The following MEGF11 variants were observed in gnomAD, a reference collection of about 807,000 sequenced individuals.
The protein encoded by MEGF11 is multiple epidermal growth factor-like domains protein 11.
MEGF11 carries 126 observed loss-of-function variants against 146.6 expected under a neutral mutation model. The ratio of observed to expected loss-of-function variants is 0.86; its 90% CI spans 0.74 to 1.00. MEGF11 has a LOEUF of 1.00. MEGF11 is among the 50% of genes least tolerant of loss of function. MEGF11 has a pLI of 0.00. For synonymous variants in MEGF11, 532 were observed against 583.4 expected (o/e 0.91, Z 1.27); for missense variants, 1,509 against 1,521.2 (o/e 0.99, Z 0.13).
At chr15:65,935,492 C>T (rs2079749361) in intron 10 of MEGF11, among the ~76,000 whole-genome samples, 1 of 152,152 alleles carries the variant, frequency 6.6e-6, no homozygotes, top group Non-Finnish European at 1.5e-5. Flanking sequence ...AATTGGAGGG[C>T]ACCCAGCTGA....
intron 5 of MEGF11, among the ~76,000 whole-genome samples, chr15:66,037,808 C>A (rs1404216028): frequency 6.6e-6 from 1 of 152,222 alleles, no homozygotes; most frequent in Non-Finnish European, 1.5e-5. Flanking sequence ...AATGTCCTCG[C>A]CAGTCTGGCT....
intron 4 of MEGF11, among the ~76,000 whole-genome samples, chr15:66,118,179 G>A (rs956840675): frequency 6.6e-5 from 10 of 151,970 alleles, no homozygotes; most frequent in Non-Finnish European, 1.3e-4. Context: ...TCCTACAGTA[G>A]AGGGAACCTT....
At chr15:66,229,070 T>C (rs531924907) in intron 1 of MEGF11, among the ~76,000 whole-genome samples, 16 of 152,244 alleles carry the variant, frequency 1.1e-4, no homozygotes, top group African/African-American at 3.9e-4. Context: ...ACAGTCCCTT[T>C]ATTAAGCACT....
chr15:66,119,862 C>T (rs571184873), intron 3 of MEGF11, among the ~76,000 whole-genome samples: 14 of 152,268 alleles, frequency 9.2e-5, no homozygotes, highest in African/African-American at 2.4e-4. Flanking sequence ...CCAGACCTTA[C>T]GCTGACACAA....
At chr15:66,137,802 C>G (rs1308188295) in intron 1 of MEGF11, among the ~76,000 whole-genome samples, 1 of 152,076 alleles carries the variant, frequency 6.6e-6, no homozygotes, top group African/African-American at 2.4e-5. Flanking sequence ...CCAGCCTCAG[C>G]CTCCCAAAGT....
At position 65,909,738 on chromosome 15, in the gene MEGF11, A is replaced by G. The variant is rs773827292; in HGVS notation, c.2896+2T>C. On this transcript the variant is annotated splice_donor_variant, in intron 22 of 25. Transcript: ENST00000395614. LOFTEE classifies it high-confidence loss of function. ...GGGGACCAGACTCACACCACTACTG[A>G]CCTAACACGTTCACATAGCTGTAGG... The G allele has an allele frequency of 6.4e-5, 100 of 1,573,912 alleles. No homozygotes were observed. Among genetic ancestry groups the G allele is most frequent in the Non-Finnish European group, 7.7e-5 (90 of 1,167,760 alleles).
chr15:66,209,734 T>C (rs1411570826), intron 1 of MEGF11, among the ~76,000 whole-genome samples: 1 of 152,070 alleles, frequency 6.6e-6, no homozygotes, highest in Non-Finnish European at 1.5e-5. Flanking sequence ...GAAATAAGAT[T>C]AGTGGTTGCC....
intron 5 of MEGF11, among the ~76,000 whole-genome samples, chr15:66,053,094 G>A (rs1353250560): frequency 4.6e-5 from 7 of 152,186 alleles, no homozygotes; most frequent in Non-Finnish European, 8.8e-5. Flanking sequence ...CAGGGTGGAT[G>A]GGTAGGTTGG....
At chr15:66,205,312 C>T (rs988652072) in intron 1 of MEGF11, among the ~76,000 whole-genome samples, 3 of 152,092 alleles carry the variant, frequency 2.0e-5, no homozygotes, top group Non-Finnish European at 4.4e-5. Context: ...CATGGTAGCA[C>T]GTACCTGGAT....
At chr15:66,102,866 G>A (rs781720155) in intron 4 of MEGF11, among the ~76,000 whole-genome samples, 8 of 152,202 alleles carry the variant, frequency 5.3e-5, no homozygotes, top group Non-Finnish European at 8.8e-5. Flanking sequence ...TAGCGGTACA[G>A]CTTTCTCTGC....
rs568727793 is a variant in MEGF11 at position 65,940,786 on chromosome 15, G to T, written c.1288-9843C>A. On this transcript the variant is annotated intron_variant, in intron 10 of 25. Transcript: ENST00000395614. ...CATTCTGTCTGGCTCCCATGCAGGT[G>T]GGAGGAGGAGAAAGGTTAGGACTGG... 1.2e-4 allele frequency among the ~76,000 whole-genome samples: 19 copies of T among 152,290 alleles called. 1 individual carries two copies. In the South Asian group the frequency reaches 3.7e-3, roughly 30 times the overall value.
intron 5 of MEGF11, among the ~76,000 whole-genome samples, chr15:66,030,807 G>A (rs775774946): frequency 6.6e-5 from 10 of 152,148 alleles, no homozygotes; most frequent in Middle Eastern, 3.2e-3. Flanking sequence ...CACGTCCCCC[G>A]TGCCAAGCTG....
chr15:65,898,205 T>C, intron 25 of MEGF11, 111 bp from the exon 26 acceptor site: 2 of 1,464,124 alleles, frequency 1.4e-6, no homozygotes, highest in Non-Finnish European at 1.8e-6. Context: ...GATTTATAAA[T>C]CTATGGCAAA....
intron 4 of MEGF11, among the ~76,000 whole-genome samples, chr15:66,113,292 C>A (rs1052060046): frequency 6.6e-6 from 1 of 152,186 alleles, no homozygotes; most frequent in Admixed American, 6.5e-5. Flanking sequence ...CAGCTGCATA[C>A]GTGCCTGGAG....
chr15:66,144,671 C>T (rs553523359), intron 1 of MEGF11, among the ~76,000 whole-genome samples: 1 of 152,208 alleles, frequency 6.6e-6, no homozygotes, highest in Non-Finnish European at 1.5e-5. Context: ...AGGTTCATAG[C>T]TCCCCCAGCC....
At chr15:66,155,787 G>A (rs12903880) in intron 1 of MEGF11, among the ~76,000 whole-genome samples, 50,963 of 152,032 alleles carry the variant, frequency 0.34, 9,329 homozygotes, top group Non-Finnish European at 0.4. Context: ...AACCTTGAAG[G>A]TGGAGCCCAA....
chr15:65,899,462 C>T (rs1375768698), intron 24 of MEGF11, among the ~76,000 whole-genome samples: 1 of 152,212 alleles, frequency 6.6e-6, no homozygotes, highest in East Asian at 1.9e-4. Context: ...CCCGCCTCAG[C>T]CTCCTGAGTA....
intron 1 of MEGF11, among the ~76,000 whole-genome samples, chr15:66,214,687 T>A (rs1023467871): frequency 5.3e-5 from 8 of 152,058 alleles, no homozygotes; most frequent in Non-Finnish European, 1.5e-5. Context: ...CACACCCTCC[T>A]TCTCACTGCA....
At chr15:66,191,245 G>T (rs1448616027) in intron 1 of MEGF11, among the ~76,000 whole-genome samples, 1 of 152,194 alleles carries the variant, frequency 6.6e-6, no homozygotes, top group Admixed American at 6.5e-5. Context: ...CTGAGCTCGG[G>T]CTGGAGGGAG....
Sources: allele counts gnomAD v4.1 joint callset (sites outside exome capture counted in the v4.1 genomes callset), GRCh38; gene constraint gnomAD v4.1.1; transcripts MANE v1.5; gene names NCBI Gene and HGNC (gene_info 2026-07-23, HGNC 2026-07-21).